Variants in BTG4 observed in about 807,000 individuals in gnomAD.
BTG4 encodes protein BTG4.
A neutral mutation model predicts 19.3 loss-of-function variants in BTG4; 10 were observed. The ratio of observed to expected loss-of-function variants is 0.52; its 90% CI spans 0.32 to 0.88. The LOEUF (loss-of-function observed/expected upper bound fraction) is 0.88. Ranked by LOEUF, BTG4 falls within the 40% of genes least tolerant of loss-of-function variation. BTG4 has a pLI of 0.04. For missense variants in BTG4, 238 were observed against 281.9 expected (o/e 0.84, Z 1.11); for synonymous variants, 91 against 95.7 (o/e 0.95, Z 0.29).
the BTG4 span, among the ~76,000 whole-genome samples, chr11:111,460,976 TC>T: frequency 6.6e-6 from 1 of 151,992 alleles, no homozygotes; most frequent in African/African-American, 2.4e-5. Context: ...TTGGCACACC[TC>T]CTCCCATTTA....
At chr11:111,421,431 G>C in the BTG4 span, among the ~76,000 whole-genome samples, 1 of 152,206 alleles carries the variant, frequency 6.6e-6, no homozygotes, top group Non-Finnish European at 1.5e-5. Flanking sequence ...AGCACAGCTA[G>C]TCAACCGATT....
chr11:111,484,592 A>G (rs1463908004), intron 5 of BTG4, among the ~76,000 whole-genome samples: 1 of 152,140 alleles, frequency 6.6e-6, no homozygotes, highest in Admixed American at 6.6e-5. Context: ...AAATTGGTTA[A>G]TAAATGCTAT....
intron 1 of BTG4, among the ~76,000 whole-genome samples, chr11:111,500,257 C>T (rs1309103762): frequency 6.6e-6 from 1 of 152,216 alleles, no homozygotes; most frequent in Non-Finnish European, 1.5e-5. Context: ...CAAGTTCCCC[C>T]AGGTGATTCT....
the BTG4 span, among the ~76,000 whole-genome samples, chr11:111,419,387 C>A: frequency 4.6e-5 from 7 of 152,364 alleles, no homozygotes; most frequent in East Asian, 1.3e-3. Context: ...GCACTGGTAA[C>A]CGAACTTAAC....
the BTG4 span, among the ~76,000 whole-genome samples, chr11:111,387,265 A>T: frequency 2.6e-5 from 4 of 152,228 alleles, no homozygotes; most frequent in African/African-American, 9.6e-5. Context: ...AAGCAGTAAG[A>T]TTCAAACCAC....
the BTG4 span, among the ~76,000 whole-genome samples, chr11:111,395,287 G>A: frequency 2.0e-5 from 3 of 152,306 alleles, no homozygotes; most frequent in South Asian, 6.2e-4. Context: ...CGCCTCCACA[G>A]CCCCGGTGGA....
the BTG4 span, among the ~76,000 whole-genome samples, chr11:111,400,114 G>A: frequency 6.6e-6 from 1 of 152,244 alleles, no homozygotes; most frequent in South Asian, 2.1e-4. Flanking sequence ...CTGAGAAGCA[G>A]GAGGCCCAGC....
intron 4 of BTG4, among the ~76,000 whole-genome samples, chr11:111,495,694 T>C (rs754503411): frequency 6.6e-6 from 1 of 152,180 alleles, no homozygotes; most frequent in Non-Finnish European, 1.5e-5. Context: ...TACAGATGTT[T>C]TACAGATCAC....
intron 1 of BTG4, among the ~76,000 whole-genome samples, chr11:111,500,979 G>A (rs1261575932): frequency 6.6e-6 from 1 of 151,974 alleles, no homozygotes; most frequent in Non-Finnish European, 1.5e-5. Flanking sequence ...CACCATCTGT[G>A]TAACCTTGGG....
chr11:111,453,907 A>G, the BTG4 span, among the ~76,000 whole-genome samples: 132,111 of 152,256 alleles, frequency 0.87, 57,410 homozygotes, highest in South Asian at 0.96. Context: ...TGTATGTCAC[A>G]CTGAAGGGTT....
the BTG4 span, among the ~76,000 whole-genome samples, chr11:111,440,005 C>G: frequency 2.0e-5 from 3 of 152,204 alleles, no homozygotes; most frequent in Non-Finnish European, 4.4e-5. Context: ...TTTATTTTAT[C>G]TCACAGTGCT....
At chr11:111,439,474 C>T in the BTG4 span, among the ~76,000 whole-genome samples, 1 of 152,022 alleles carries the variant, frequency 6.6e-6, no homozygotes, top group Non-Finnish European at 1.5e-5. Context: ...CTTGGCCAGA[C>T]ACCAGCTCAA....
chr11:111,401,162 A>G, the BTG4 span: 3 of 151,870 alleles, frequency 2.0e-5, no homozygotes, highest in African/African-American at 7.3e-5. Context: ...GTTTTGATAA[A>G]TGTACCATAG....
At chr11:111,513,567 G>A, upstream of BTG4, 1 of 478,438 alleles carries the variant, frequency 2.1e-6, no homozygotes, top group South Asian at 1.5e-5. Context: ...GCGTGGGGAA[G>A]AGGGGTGTTG....
the BTG4 span, chr11:111,448,404 G>A: frequency 6.5e-6 from 1 of 152,686 alleles, no homozygotes; most frequent in Non-Finnish European, 1.5e-5. Flanking sequence ...ACCGCTCCTG[G>A]AAGCTAAGTC....
chr11:111,443,625 C>T, the BTG4 span, among the ~76,000 whole-genome samples: 1 of 152,148 alleles, frequency 6.6e-6, no homozygotes, highest in Non-Finnish European at 1.5e-5. Context: ...ACTTTGGGAT[C>T]ATGGAAATTA....
the BTG4 span, among the ~76,000 whole-genome samples, chr11:111,389,282 T>C: frequency 6.6e-6 from 1 of 151,886 alleles, no homozygotes; most frequent in Admixed American, 6.6e-5. Flanking sequence ...GAGATATAAA[T>C]AGAAATGTCA....
At chr11:111,478,469 A>C (rs1490408109) in intron 5 of BTG4, among the ~76,000 whole-genome samples, 1 of 152,162 alleles carries the variant, frequency 6.6e-6, no homozygotes, top group Admixed American at 6.5e-5. Context: ...CATTCATCAC[A>C]CTAAAAACCA....
the BTG4 span, among the ~76,000 whole-genome samples, chr11:111,389,529 A>G: frequency 6.6e-6 from 1 of 152,228 alleles, no homozygotes; most frequent in East Asian, 1.9e-4. Context: ...TCTGACATTC[A>G]GTCAATACCT....
Sources: gnomAD v4.1 joint callset for allele counts (sites outside exome capture counted in the v4.1 genomes callset) on GRCh38, gnomAD v4.1.1 for gene constraint, MANE v1.5 for transcripts, NCBI Gene and HGNC (gene_info 2026-07-23, HGNC 2026-07-21) for gene names.